The following ACP6 variants were observed in gnomAD, a reference collection of about 807,000 sequenced individuals.
ACP6 encodes the protein lysophosphatidic acid phosphatase type 6.
A neutral mutation model predicts 48.1 loss-of-function variants in ACP6; 48 were observed. That is an observed-to-expected ratio of 1.00 (90% CI 0.79 to 1.27). ACP6 has a LOEUF of 1.27. ACP6 is among the 50% of genes most tolerant of loss of function. The pLI, the probability that ACP6 is intolerant of heterozygous loss-of-function variation, is 0.00. For synonymous variants in ACP6, 172 were observed against 204.2 expected, an observed-to-expected ratio of 0.84 and a Z score of 1.34; for missense variants, 485 against 529.1, an observed-to-expected ratio of 0.92 and a Z score of 0.82.
chr1:147,658,464 G>A (rs1280886820), intron 4 of ACP6, among the ~76,000 whole-genome samples: 1 of 152,120 alleles, frequency 6.6e-6, no homozygotes, highest in Non-Finnish European at 1.5e-5. Context: ...GAAAAGGTTG[G>A]GAACCACTGA....
intron 1 of ACP6, among the ~76,000 whole-genome samples, chr1:147,660,737 T>A (rs1553212591): frequency 6.6e-6 from 1 of 152,256 alleles, no homozygotes; most frequent in East Asian, 1.9e-4. Context: ...AATATTTTTA[T>A]TGCATTTAAA....
chr1:147,630,922 A>G (rs1162424770), exon 6 of ACP6: 2 of 152,200 alleles, frequency 1.3e-5, no homozygotes, highest in African/African-American at 2.4e-5. Context: ...TATGTACCTT[A>G]ATATATGAAA....
At chr1:147,633,151 G>A (rs890547119) in intron 5 of ACP6, among the ~76,000 whole-genome samples, 17 of 152,238 alleles carry the variant, frequency 1.1e-4, no homozygotes, top group Non-Finnish European at 5.9e-5. Flanking sequence ...AATGAATCAG[G>A]CTTCTTTTAG....
At chr1:147,652,752 G>GAAAA (rs1660004666) in intron 6 of ACP6, 12 of 371,856 alleles carry the variant, frequency 3.2e-5, no homozygotes, top group South Asian at 2.2e-4. Context: ...CTGAAGGCCA[G>GAAAA]GAAAAAAAAA....
rs587665724 is a variant in ACP6, at chr1:147,663,749, T to C, written c.220-3974A>G. Among the ~76,000 whole-genome samples the C allele has an allele frequency of 3.4e-4, 52 of 152,338 alleles. No homozygotes were observed. The South Asian group carries it at 9.3e-3, about 27-fold the overall frequency. ...CAACCTAGAACCTGCCCACTGTTTC[T>C]GCATCTTCTTCCAGCTTGCTTCTCT... On this transcript the variant is annotated intron_variant, in intron 1 of 9. Coordinates refer to ENST00000583509, the MANE Select transcript of ACP6 (RefSeq NM_016361.5).
At chr1:147,641,352 GAACT>G (rs1312577758), downstream of ACP6, among the ~76,000 whole-genome samples, 3 of 152,180 alleles carry the variant, frequency 2.0e-5, no homozygotes, top group African/African-American at 7.2e-5. Flanking sequence ...GATCCACGTG[GAACT>G]AACTGTTACA....
chr1:147,668,371 G>T (rs2148918995), intron 1 of ACP6, among the ~76,000 whole-genome samples: 1 of 151,976 alleles, frequency 6.6e-6, no homozygotes, highest in South Asian at 2.1e-4. Flanking sequence ...CTCCCTTAGG[G>T]ATAAAGCCCT....
chr1:147,637,462 T>A (rs782382049), downstream of ACP6, among the ~76,000 whole-genome samples: 6 of 152,236 alleles, frequency 3.9e-5, no homozygotes, highest in African/African-American at 7.2e-5. Flanking sequence ...ATATGCCCTC[T>A]GTCTCTTTGA....
intron 8 of ACP6, 79 bp downstream of exon 8, chr1:147,650,063 CT>C (rs1659836258): frequency 8.0e-7 from 1 of 1,256,618 alleles, no homozygotes; most frequent in Admixed American, 2.0e-5. Context: ...TCTTGCCTCA[CT>C]AAGATTTGGG....
At chr1:147,651,455 A>ACT (rs1659913853) in intron 7 of ACP6, 1 of 152,150 alleles carries the variant, frequency 6.6e-6, no homozygotes, top group Admixed American at 6.5e-5. Context: ...AGTAGTTGTA[A>ACT]CAGAAATTGC....
chr1:147,652,170 C>A (rs1020768380), intron 7 of ACP6: 4 of 377,116 alleles, frequency 1.1e-5, no homozygotes, highest in African/African-American at 8.3e-5. Flanking sequence ...CACCCAAATC[C>A]TTTAAACCTT....
At position 147,632,633 on chromosome 1, in the gene ACP6, A is replaced by G. The variant is rs587608678; in HGVS notation, c.461-1568T>C. Reference sequence around the variant, plus strand: ...AGAATGTGAAATTGAAAAGGGAGGGAAGAATGAATAGCCCCAAAAGCCAAG... The same window carrying G: ...AGAATGTGAAATTGAAAAGGGAGGGGAGAATGAATAGCCCCAAAAGCCAAG... On this transcript the variant is annotated intron_variant, in intron 5 of 5. Coordinates refer to the ACP6 transcript ENST00000609196. 2.7e-4 allele frequency among the ~76,000 whole-genome samples: 41 copies of G among 152,190 alleles called. 1 individual carries two copies. The highest frequency in any genetic ancestry group is 9.9e-4 in the African/African-American group (41 of 41,528).
chr1:147,644,866 T>C lies in ACP6; in HGVS notation c.*2557A>G, dbSNP rs1040135521. Reference sequence around the variant, plus strand: ...TGATACCTATTGTATATCTTAAACATCCAAATAGAGACATTGATTAGACTG... The same window carrying C: ...TGATACCTATTGTATATCTTAAACACCCAAATAGAGACATTGATTAGACTG... On this transcript the variant is annotated 3_prime_UTR_variant, in exon 10 of 10. Transcript: ENST00000583509. The C allele has an allele frequency of 5.3e-5, 8 of 152,114 alleles. No individual in the cohort carries two copies. Among genetic ancestry groups the C allele is most frequent in the Admixed American group, 4.6e-4 (7 of 15,258 alleles). 9.4% of individuals were successfully genotyped at this position (152,114 alleles called of 1,614,324 possible).
At chr1:147,660,447 A>G (rs1553212552) in intron 1 of ACP6, among the ~76,000 whole-genome samples, 1 of 152,224 alleles carries the variant, frequency 6.6e-6, no homozygotes, top group East Asian at 1.9e-4. Context: ...TTTAAAAACA[A>G]GTCTAATCCC....
chr1:147,644,633 A>G lies in ACP6; in HGVS notation c.*2790T>C, dbSNP rs1659556847. On this transcript the variant is annotated 3_prime_UTR_variant, in exon 10 of 10. Coordinates refer to ENST00000583509, the MANE Select transcript of ACP6 (RefSeq NM_016361.5). The stretch of plus-strand genomic sequence containing the variant: ...AGTATTGGGACATGGTCAATTCTGG[A>G]TATAGTTTGAAGAGAGATACAACAG... The G allele has an allele frequency of 1.3e-5, 2 of 152,228 alleles. No homozygotes were observed. The highest frequency in any genetic ancestry group is 2.1e-4 in the South Asian group (1 of 4,830). The allele number at this position is 152,228 out of a possible 1,614,324, so 9.4% of individuals were successfully genotyped here.
chr1:147,631,238 C>T (rs6681587), intron 5 of ACP6, among the ~76,000 whole-genome samples: 48,512 of 151,988 alleles, frequency 0.32, 9,122 homozygotes, highest in African/African-American at 0.53. Context: ...CTTATCTCCA[C>T]ACCCCACTTC....
At chr1:147,660,098 C>T (rs1255069277) in intron 1 of ACP6, among the ~76,000 whole-genome samples, 3 of 152,010 alleles carry the variant, frequency 2.0e-5, no homozygotes, top group Non-Finnish European at 2.9e-5. Flanking sequence ...GGTGAATGAA[C>T]GAATAGATGG....
chr1:147,655,638 T>G (rs1182913599), intron 4 of ACP6, among the ~76,000 whole-genome samples: 1 of 152,200 alleles, frequency 6.6e-6, no homozygotes, highest in Non-Finnish European at 1.5e-5. Flanking sequence ...CAGAACTAAG[T>G]TGCTTCCTGA....
At chr1:147,629,697 GTATA>G (rs1382674518) in exon 6 of ACP6, 12 of 152,268 alleles carry the variant, frequency 7.9e-5, no homozygotes, top group African/African-American at 2.4e-4. Context: ...AAAGCAATAA[GTATA>G]TAAAGCACAA....
Sources: gnomAD v4.1 joint callset for allele counts (sites outside exome capture counted in the v4.1 genomes callset) on GRCh38, gnomAD v4.1.1 for gene constraint, MANE v1.5 for transcripts, NCBI Gene and HGNC (gene_info 2026-07-23, HGNC 2026-07-21) for gene names.